The following NCOR1 variants were observed in gnomAD, a reference collection of about 807,000 sequenced individuals.
NCOR1 encodes the protein protein phosphatase 1, regulatory subunit 109.
Under a neutral mutation model 288.1 loss-of-function variants are expected in NCOR1, and 63 were observed. The observed-to-expected ratio is 0.22, with a 90% CI of 0.18 to 0.27. The LOEUF (loss-of-function observed/expected upper bound fraction) is 0.27. NCOR1 is among the 10% of genes least tolerant of loss of function. The pLI, the probability that NCOR1 is intolerant of heterozygous loss-of-function variation, is 1.00. For synonymous variants in NCOR1, 1,007 were observed against 1,065.9 expected, an observed-to-expected ratio of 0.94 and a Z score of 1.08; for missense variants, 2,397 against 3,019.2, an observed-to-expected ratio of 0.79 and a Z score of 4.83.
chr17:16,210,905 A>AT (rs888067179), intron 1 of NCOR1, among the ~76,000 whole-genome samples: 6 of 151,670 alleles, frequency 4.0e-5, no homozygotes, highest in African/African-American at 9.7e-5. Context: ...AATTTTTTGT[A>AT]TTTTTTTAGT....
intron 31 of NCOR1, 31 bp downstream of exon 31, chr17:16,070,134 A>AG: frequency 6.5e-7 from 1 of 1,534,924 alleles, no homozygotes; most frequent in Non-Finnish European, 8.7e-7. Context: ...TGCAATAAAA[A>AG]GTATCAGACC....
intron 14 of NCOR1, among the ~76,000 whole-genome samples, chr17:16,128,914 G>A (rs947342199): frequency 1.3e-5 from 2 of 152,122 alleles, no homozygotes; most frequent in Non-Finnish European, 2.9e-5. Context: ...TCCACTTCCA[G>A]AACATTGCTG....
At chr17:16,122,900 C>T (rs1457867321) in intron 15 of NCOR1, among the ~76,000 whole-genome samples, 1 of 152,172 alleles carries the variant, frequency 6.6e-6, no homozygotes, top group Non-Finnish European at 1.5e-5. Context: ...GCTGGGATTA[C>T]AGGAATGAGC....
chr17:16,177,145 C>T (rs768883931), intron 3 of NCOR1, among the ~76,000 whole-genome samples: 5 of 151,980 alleles, frequency 3.3e-5, no homozygotes, highest in Non-Finnish European at 4.4e-5. Flanking sequence ...GCCACATCTA[C>T]TTTATTCCTT....
At position 16,080,512 on chromosome 17, in the gene NCOR1, G is replaced by C; in HGVS notation, c.3299-3C>G. On this transcript the variant is annotated splice_region_variant and splice_polypyrimidine_tract_variant and intron_variant, in intron 24 of 45. Transcript: ENST00000268712. ...CTGCTTGATGTAGGGCAAAGTAGCT[G>C]TGGAAAGGCAGAGAAACATGAAACA... 1 of 1,614,024 alleles carries C rather than the reference G, an allele frequency of 6.2e-7. No homozygotes were observed. The highest frequency in any genetic ancestry group is 8.5e-7 in the Non-Finnish European group (1 of 1,179,948).
intron 18 of NCOR1, among the ~76,000 whole-genome samples, chr17:16,112,235 T>A (rs2070413832): frequency 6.6e-6 from 1 of 152,222 alleles, no homozygotes; most frequent in South Asian, 2.1e-4. Context: ...ACATTTTGGA[T>A]GTTACCTCCT....
intron 43 of NCOR1, chr17:16,040,005 A>C: frequency 2.6e-6 from 1 of 390,286 alleles, no homozygotes; most frequent in South Asian, 2.1e-5. Context: ...GGTCAGGCTG[A>C]TCTCGAATTC....
Position 16,034,946 on chromosome 17 carries a change from T to C in NCOR1, c.6956-2A>G. The stretch of plus-strand genomic sequence containing the variant: ...TCAGCTTTGGTTTGCAAACTCCTCC[T>C]GAAAGTGAAATTCAAGTTAAAGTAT... On this transcript the variant is annotated splice_acceptor_variant, in intron 44 of 45. Transcript: ENST00000268712. LOFTEE classifies it high-confidence loss of function. The C allele has an allele frequency of 6.2e-7, 1 of 1,613,396 alleles. No individual in the cohort carries two copies. Among genetic ancestry groups the C allele is most frequent in the Non-Finnish European group, 8.5e-7 (1 of 1,179,720 alleles).
intron 44 of NCOR1, among the ~76,000 whole-genome samples, chr17:16,035,392 C>T (rs905677768): frequency 6.6e-6 from 1 of 152,146 alleles, no homozygotes; most frequent in Non-Finnish European, 1.5e-5. Flanking sequence ...TTCACAGCAT[C>T]TTCAGGGGCA....
At chr17:16,107,445 A>G (rs9907273) in intron 19 of NCOR1, among the ~76,000 whole-genome samples, 80,744 of 151,976 alleles carry the variant, frequency 0.53, 21,866 homozygotes, top group Middle Eastern at 0.62. Context: ...ACAAAGTAAC[A>G]AGGCGGTTAG....
At chr17:16,065,730 G>C (rs1326373231) in intron 32 of NCOR1, 36 bp from the exon 33 acceptor site, 1 of 1,588,916 alleles carries the variant, frequency 6.3e-7, no homozygotes, top group Non-Finnish European at 8.6e-7. Flanking sequence ...ACTGAGTTTT[G>C]TCCTGGCTGA....
At chr17:16,205,342 G>T (rs1379621812) in intron 1 of NCOR1, among the ~76,000 whole-genome samples, 1 of 152,210 alleles carries the variant, frequency 6.6e-6, no homozygotes, top group East Asian at 1.9e-4. Flanking sequence ...AAGACACATG[G>T]CCGGGCTCAG....
chr17:16,208,218 T>A (rs1206158984), intron 1 of NCOR1, among the ~76,000 whole-genome samples: 4 of 134,146 alleles, frequency 3.0e-5, no homozygotes, highest in Admixed American at 7.5e-5. Flanking sequence ...TTTTTTTTTT[T>A]TTTTTTTTTT....
chr17:16,091,358 G>A lies in NCOR1; in HGVS notation c.3016+505C>T, dbSNP rs534131840. 2.0e-5 allele frequency among the ~76,000 whole-genome samples: 3 copies of A among 152,360 alleles called. No individual in the cohort carries two copies. In the East Asian group the frequency reaches 5.8e-4, roughly 29 times the overall value. ...GTACTATTATTTTCATTTTACAGATGAGAAAACTAAAGCTATGAAAGGTTA... is the reference window on the plus strand; with the variant it reads ...GTACTATTATTTTCATTTTACAGATAAGAAAACTAAAGCTATGAAAGGTTA... On this transcript the variant is annotated intron_variant, in intron 22 of 45. Coordinates refer to ENST00000268712, the MANE Select transcript of NCOR1 (RefSeq NM_006311.4).
chr17:16,039,439 G>C lies in NCOR1; in HGVS notation c.6949C>G (p.His2317Asp). The C allele has an allele frequency of 6.2e-7, 1 of 1,613,608 alleles. No homozygotes were observed. The highest frequency in any genetic ancestry group is 8.5e-7 in the Non-Finnish European group (1 of 1,179,810). The change falls in exon 44 of 46, where the codon CAT becomes GAT. Residue 2317 changes from histidine to aspartate, a missense_variant. Physicochemically the swap from His to Asp is moderately conservative, Grantham distance 81. Transcript: ENST00000268712. ...ACTAAAATGAAAGCTGTACCTGAATGAGGTGATGGGTCCCCTTCCTCTCTT... is the reference window on the plus strand; with the variant it reads ...ACTAAAATGAAAGCTGTACCTGAATCAGGTGATGGGTCCCCTTCCTCTCTT... ...TRREEGDPSP[H>D]SGGVCKPKLI...
intron 44 of NCOR1, among the ~76,000 whole-genome samples, chr17:16,037,985 A>G (rs1398854220): frequency 1.3e-5 from 2 of 152,216 alleles, no homozygotes; most frequent in African/African-American, 4.8e-5. Flanking sequence ...CACCAGTCTT[A>G]TAACCTTAAA....
intron 40 of NCOR1, among the ~76,000 whole-genome samples, chr17:16,053,678 A>G (rs1425384635): frequency 6.6e-6 from 1 of 152,198 alleles, no homozygotes; most frequent in Non-Finnish European, 1.5e-5. Flanking sequence ...TTCTTCACAG[A>G]ACTACAAAAA....
intron 42 of NCOR1, chr17:16,041,001 A>G (rs945043988): frequency 3.2e-5 from 5 of 156,608 alleles, no homozygotes; most frequent in African/African-American, 7.2e-5. Flanking sequence ...TCTGACGAAG[A>G]AGAAACCTTG....
intron 18 of NCOR1, among the ~76,000 whole-genome samples, chr17:16,112,476 G>T (rs928432047): frequency 2.0e-5 from 3 of 152,114 alleles, no homozygotes; most frequent in Non-Finnish European, 4.4e-5. Flanking sequence ...CTCTTAAAAA[G>T]TATTAAAGGC....
Sources: allele counts gnomAD v4.1 joint callset (sites outside exome capture counted in the v4.1 genomes callset), GRCh38; gene constraint gnomAD v4.1.1; transcripts MANE v1.5; gene names NCBI Gene and HGNC (gene_info 2026-07-23, HGNC 2026-07-21).